The following RBFOX2 variants were observed in gnomAD, a reference collection of about 807,000 sequenced individuals.
The protein encoded by RBFOX2 is RNA binding fox-1 homolog 2.
Under a neutral mutation model 49.1 loss-of-function variants are expected in RBFOX2, and 10 were observed. The observed-to-expected ratio is 0.20, with a 90% CI of 0.13 to 0.35. RBFOX2 has a LOEUF of 0.35. Among genes scored for constraint, RBFOX2 ranks in the 10% least tolerant of loss-of-function variants. The pLI, the probability that RBFOX2 is intolerant of heterozygous loss-of-function variation, is 1.00. For missense variants in RBFOX2, 323 were observed against 486.9 expected, an observed-to-expected ratio of 0.66 and a Z score of 3.17; for synonymous variants, 183 against 187.4, an observed-to-expected ratio of 0.98 and a Z score of 0.19.
At chr22:36,028,526 G>A in exon 1 of RBFOX2, 1 of 975,766 alleles carries the variant, frequency 1.0e-6, no homozygotes, top group Non-Finnish European at 1.2e-6. Context: ...GCGCGCGCCT[G>A]CCCCCGCCCC....
At chr22:35,991,181 A>T (rs923263900) in intron 1 of RBFOX2, among the ~76,000 whole-genome samples, 1 of 152,188 alleles carries the variant, frequency 6.6e-6, no homozygotes, top group Admixed American at 6.5e-5. Context: ...AAAGAAAACA[A>T]ATTTAGTTAA....
At chr22:35,880,785 T>C (rs1024484590) in intron 1 of RBFOX2, among the ~76,000 whole-genome samples, 1 of 152,170 alleles carries the variant, frequency 6.6e-6, no homozygotes, top group Non-Finnish European at 1.5e-5. Flanking sequence ...CATTCTGACT[T>C]TTCAGCAACT....
At chr22:35,890,417 A>C (rs1569461445) in intron 1 of RBFOX2, among the ~76,000 whole-genome samples, 2 of 152,184 alleles carry the variant, frequency 1.3e-5, no homozygotes, top group Non-Finnish European at 2.9e-5. Flanking sequence ...GATTAATGAT[A>C]ACTAATAATA....
At chr22:35,973,577 T>C (rs926869436) in intron 1 of RBFOX2, among the ~76,000 whole-genome samples, 4 of 152,218 alleles carry the variant, frequency 2.6e-5, no homozygotes, top group African/African-American at 9.6e-5. Context: ...GAACTGTCTG[T>C]TGTCAGCCCC....
chr22:35,897,521 G>A, intron 1 of RBFOX2: 1 of 823,782 alleles, frequency 1.2e-6, no homozygotes, highest in South Asian at 1.3e-5. Flanking sequence ...AAGGTGGCAA[G>A]GGGTACGGGA....
Position 35,898,911 on chromosome 22 carries a change from G to A in RBFOX2, c.-34+39936C>T, listed in dbSNP as rs1603443275. On this transcript the variant is annotated intron_variant, in intron 1 of 13. Transcript: ENST00000359369. Reference sequence around the variant, plus strand: ...GGAGGCCGAGGCGGGCAGATCACCTGAGGTCAAGACCAGCCTGACCAACAT... The same window carrying A: ...GGAGGCCGAGGCGGGCAGATCACCTAAGGTCAAGACCAGCCTGACCAACAT... 2.6e-5 allele frequency among the ~76,000 whole-genome samples: 4 copies of A among 152,224 alleles called. 1 individual carries two copies. The highest frequency in any genetic ancestry group is 9.6e-5 in the African/African-American group (4 of 41,534).
intron 2 of RBFOX2, among the ~76,000 whole-genome samples, chr22:35,805,513 T>C (rs1268292737): frequency 2.0e-5 from 3 of 152,100 alleles, no homozygotes; most frequent in East Asian, 1.9e-4. Context: ...GGAACTCTCA[T>C]TCATTGCTGG....
rs2059289200 is a variant in RBFOX2 at position 36,022,681 on chromosome 22, T to C, written c.186+5559A>G. On this transcript the variant is annotated intron_variant, in intron 1 of 13. Coordinates refer to the RBFOX2 transcript ENST00000438146. ...GTATGTTGAAGCCCTAACCCCAGTG[T>C]AATGGTATTTGGAGGTAGGACCTCT... Among the ~76,000 whole-genome samples, 4 of 152,320 alleles carry C rather than the reference T, an allele frequency of 2.6e-5. No homozygotes were observed. The South Asian group carries it at 8.3e-4, about 32-fold the overall frequency.
chr22:36,008,554 T>A (rs531783041), intron 1 of RBFOX2, among the ~76,000 whole-genome samples: 1 of 152,198 alleles, frequency 6.6e-6, no homozygotes, highest in Admixed American at 6.5e-5. Context: ...CAGTGGCTCA[T>A]GCTTGTAATC....
intron 1 of RBFOX2, among the ~76,000 whole-genome samples, chr22:35,916,319 T>C (rs2050400702): frequency 6.6e-6 from 1 of 152,194 alleles, no homozygotes; most frequent in Non-Finnish European, 1.5e-5. Flanking sequence ...TCTCACTCTG[T>C]TGCTCAGGCT....
intron 1 of RBFOX2, among the ~76,000 whole-genome samples, chr22:36,011,194 C>T (rs2058808216): frequency 6.6e-6 from 1 of 152,122 alleles, no homozygotes; most frequent in Non-Finnish European, 1.5e-5. Flanking sequence ...CAATGTGCCC[C>T]ACCAGTGCAA....
At chr22:35,897,029 A>C (rs1407663304) in intron 1 of RBFOX2, among the ~76,000 whole-genome samples, 1 of 152,222 alleles carries the variant, frequency 6.6e-6, no homozygotes, top group Non-Finnish European at 1.5e-5. Context: ...CCCATACCAT[A>C]CTGTAAATAA....
intron 1 of RBFOX2, among the ~76,000 whole-genome samples, chr22:36,001,837 G>A (rs906295810): frequency 1.3e-5 from 2 of 152,126 alleles, no homozygotes; most frequent in Admixed American, 6.5e-5. Flanking sequence ...GCCAAGGCGG[G>A]CGGATCACTT....
intron 2 of RBFOX2, among the ~76,000 whole-genome samples, chr22:35,807,583 C>T (rs184406499): frequency 1.2e-4 from 18 of 151,768 alleles, no homozygotes; most frequent in Non-Finnish European, 2.1e-4. Context: ...TCATATTTTA[C>T]GGTATGCAGC....
upstream of RBFOX2, among the ~76,000 whole-genome samples, chr22:35,841,346 A>G (rs929389889): frequency 3.3e-5 from 5 of 152,196 alleles, no homozygotes; most frequent in African/African-American, 1.2e-4. Flanking sequence ...AATACTGACA[A>G]TAAGAGTTTC....
At chr22:35,764,456 C>T (rs1436856124) in intron 6 of RBFOX2, among the ~76,000 whole-genome samples, 3 of 151,740 alleles carry the variant, frequency 2.0e-5, no homozygotes, top group Non-Finnish European at 2.9e-5. Flanking sequence ...TGGTGGCGGG[C>T]GCCTGTAGTC....
At chr22:35,988,276 C>A (rs1208144092) in intron 1 of RBFOX2, among the ~76,000 whole-genome samples, 1 of 152,156 alleles carries the variant, frequency 6.6e-6, no homozygotes, top group Non-Finnish European at 1.5e-5. Flanking sequence ...ATCCATACAA[C>A]CATTAAATGG....
At chr22:35,881,177 T>C (rs1264934694) in intron 1 of RBFOX2, among the ~76,000 whole-genome samples, 1 of 152,070 alleles carries the variant, frequency 6.6e-6, no homozygotes, top group Non-Finnish European at 1.5e-5. Context: ...GGCAGGAGAA[T>C]GGCGTGAACC....
intron 1 of RBFOX2, among the ~76,000 whole-genome samples, chr22:35,910,586 T>G (rs193280909): frequency 2.6e-5 from 4 of 152,188 alleles, no homozygotes; most frequent in Non-Finnish European, 5.9e-5. Flanking sequence ...CATTGTCCAT[T>G]TCTATACCTT....
Sources: allele counts gnomAD v4.1 joint callset (sites outside exome capture counted in the v4.1 genomes callset), GRCh38; gene constraint gnomAD v4.1.1; transcripts MANE v1.5; gene names NCBI Gene and HGNC (gene_info 2026-07-23, HGNC 2026-07-21).